Variants in CSMD1 observed in about 807,000 individuals in gnomAD.
CSMD1 encodes CUB and sushi domain-containing protein 1.
In CSMD1, 213 loss-of-function variants were observed where a neutral mutation model predicts 417.5. That is an observed-to-expected ratio of 0.51 (90% confidence interval 0.46 to 0.57). The LOEUF is 0.57. Ranked by LOEUF, CSMD1 falls within the 20% of genes least tolerant of loss-of-function variation. CSMD1 has a pLI of 0.00. For missense variants in CSMD1, 6,923 were observed against 4,529.7 expected (o/e 1.53, Z -15.17); for synonymous variants, 2,862 against 1,736.8 (o/e 1.65, Z -16.11).
intron 3 of CSMD1, among the ~76,000 whole-genome samples, chr8:4,264,007 G>C (rs983698619): frequency 6.6e-6 from 1 of 152,100 alleles, no homozygotes; most frequent in African/African-American, 2.4e-5. Context: ...AAGTAAATCA[G>C]ATCGTTCTTA....
chr8:4,259,219 C>A (rs192621301), intron 3 of CSMD1, among the ~76,000 whole-genome samples: 5 of 152,178 alleles, frequency 3.3e-5, no homozygotes, highest in African/African-American at 1.2e-4. Context: ...GCTTTCAAAT[C>A]GCAGAGAGAA....
intron 3 of CSMD1, among the ~76,000 whole-genome samples, chr8:4,396,518 G>T (rs779764301): frequency 6.6e-6 from 1 of 151,946 alleles, no homozygotes; most frequent in Non-Finnish European, 1.5e-5. Context: ...AAAAGCATAC[G>T]AAGAAGATAC....
Position 3,706,025 on chromosome 8 carries a change from G to C in CSMD1, c.1009+2389C>G, listed in dbSNP as rs150400664. Among the ~76,000 whole-genome samples, 569 of 152,358 alleles carry C rather than the reference G, an allele frequency of 3.7e-3. 3 individuals carry two copies. Among genetic ancestry groups the C allele is most frequent in the Non-Finnish European group, 4.7e-3 (323 of 68,044 alleles). On this transcript the variant is annotated intron_variant, in intron 7 of 69. Coordinates refer to ENST00000635120, the MANE Select transcript of CSMD1 (RefSeq NM_033225.6). ...GGTAAAGGATTCATGAGGTGCTGAA[G>C]AGGAAACGGGGCTCATGGTGGGAAC...
chr8:3,085,598 C>A (rs1201133653), intron 49 of CSMD1, among the ~76,000 whole-genome samples: 1 of 152,204 alleles, frequency 6.6e-6, no homozygotes, highest in African/African-American at 2.4e-5. Flanking sequence ...AGAAGAGCCT[C>A]ATTTGCAGTG....
chr8:4,627,903 G>A (rs1047251646), intron 2 of CSMD1, among the ~76,000 whole-genome samples: 2 of 152,008 alleles, frequency 1.3e-5, no homozygotes, highest in East Asian at 3.9e-4. Flanking sequence ...TCTTTGTCAT[G>A]TGAGATATCC....
At chr8:3,934,335 C>T (rs578201062) in intron 5 of CSMD1, among the ~76,000 whole-genome samples, 7 of 152,036 alleles carry the variant, frequency 4.6e-5, no homozygotes, top group South Asian at 4.1e-4. Context: ...ATAGTTAACA[C>T]GTACAAAAAG....
At chr8:3,410,732 A>C (rs1476287129) in intron 12 of CSMD1, among the ~76,000 whole-genome samples, 4 of 152,094 alleles carry the variant, frequency 2.6e-5, no homozygotes, top group Non-Finnish European at 5.9e-5. Flanking sequence ...TATGGAGGAA[A>C]ATTTTTTAAA....
At chr8:3,121,112 C>G (rs1001946680) in intron 41 of CSMD1, among the ~76,000 whole-genome samples, 43 of 152,002 alleles carry the variant, frequency 2.8e-4, no homozygotes, top group African/African-American at 1.0e-3. Context: ...TAGGGAGAGA[C>G]TCATAAATGC....
At chr8:4,467,029 A>C (rs890979915) in intron 2 of CSMD1, among the ~76,000 whole-genome samples, 2 of 151,980 alleles carry the variant, frequency 1.3e-5, no homozygotes, top group African/African-American at 4.8e-5. Context: ...CAAAGGCAAC[A>C]AAAGTCTGTT....
intron 3 of CSMD1, among the ~76,000 whole-genome samples, chr8:4,335,779 A>G (rs1207121377): frequency 6.6e-6 from 1 of 152,142 alleles, no homozygotes; most frequent in Non-Finnish European, 1.5e-5. Context: ...CTGAAGAGGA[A>G]CATACCACGT....
In CSMD1 at chr8:4,059,391, G is replaced by C. The variant is rs981729146; in HGVS notation, c.416-27292C>G. ...CATCACAATTAAAAGAACTAGAAAAGCAAGAGCAAACACATTCAAAAGCTA... is the reference window on the plus strand; with the variant it reads ...CATCACAATTAAAAGAACTAGAAAACCAAGAGCAAACACATTCAAAAGCTA... On this transcript the variant is annotated intron_variant, in intron 3 of 69. Coordinates refer to ENST00000635120, the MANE Select transcript of CSMD1 (RefSeq NM_033225.6). 3.3e-5 allele frequency among the ~76,000 whole-genome samples: 5 copies of C among 150,326 alleles called. No homozygotes were observed. In the South Asian group the frequency reaches 1.1e-3, roughly 32 times the overall value.
At chr8:4,698,592 A>G (rs1420152455) in intron 1 of CSMD1, among the ~76,000 whole-genome samples, 2 of 112,078 alleles carry the variant, frequency 1.8e-5, no homozygotes, top group African/African-American at 4.1e-5. Context: ...AATGGAAATG[A>G]TAGAAATTTT....
At chr8:3,984,959 G>A (rs921834750) in intron 5 of CSMD1, among the ~76,000 whole-genome samples, 2 of 152,046 alleles carry the variant, frequency 1.3e-5, no homozygotes, top group Middle Eastern at 3.4e-3. Flanking sequence ...TTTAGAATTT[G>A]GTGAAGACTT....
At chr8:4,122,140 T>C (rs1024506402) in intron 3 of CSMD1, among the ~76,000 whole-genome samples, 3 of 152,152 alleles carry the variant, frequency 2.0e-5, no homozygotes, top group African/African-American at 2.4e-5. Context: ...TACTACATAA[T>C]GTCGCTAAGT....
intron 2 of CSMD1, among the ~76,000 whole-genome samples, chr8:4,630,913 T>A: frequency 6.6e-6 from 1 of 152,158 alleles, no homozygotes; most frequent in East Asian, 1.9e-4. Context: ...CTGGTCACTG[T>A]CCCAGTCCTG....
At chr8:4,029,796 T>G (rs1468131207) in intron 4 of CSMD1, among the ~76,000 whole-genome samples, 1 of 152,180 alleles carries the variant, frequency 6.6e-6, no homozygotes, top group Non-Finnish European at 1.5e-5. Flanking sequence ...AGTATCTTCC[T>G]CTTATGAACC....
chr8:3,651,781 T>A (rs948789014), intron 7 of CSMD1, among the ~76,000 whole-genome samples: 3 of 151,250 alleles, frequency 2.0e-5, no homozygotes, highest in Admixed American at 1.3e-4. Flanking sequence ...CCTACCACCA[T>A]CAGAGCACCC....
At chr8:4,344,248 C>A (rs972570639) in intron 3 of CSMD1, among the ~76,000 whole-genome samples, 1 of 152,134 alleles carries the variant, frequency 6.6e-6, no homozygotes, top group Non-Finnish European at 1.5e-5. Flanking sequence ...CTGACACAAT[C>A]ATCTTTACAC....
intron 52 of CSMD1, among the ~76,000 whole-genome samples, chr8:3,015,149 G>A (rs1025835428): frequency 2.0e-5 from 3 of 150,982 alleles, no homozygotes; most frequent in Admixed American, 1.3e-4. Context: ...CCAGTTTCAA[G>A]AATGAATTTG....
Sources: gnomAD v4.1 joint callset for allele counts (sites outside exome capture counted in the v4.1 genomes callset) on GRCh38, gnomAD v4.1.1 for gene constraint, MANE v1.5 for transcripts, NCBI Gene and HGNC (gene_info 2026-07-23, HGNC 2026-07-21) for gene names.